Variants in MICOS10 observed in about 807,000 individuals in gnomAD.
The protein encoded by MICOS10 is MICOS complex subunit MIC10.
MICOS10 carries 5 observed loss-of-function variants against 13.4 expected under a neutral mutation model. The observed-to-expected ratio is 0.37, with a 90% CI of 0.20 to 0.78. The LOEUF (loss-of-function observed/expected upper bound fraction) is 0.78. Among genes scored for constraint, MICOS10 ranks in the 30% least tolerant of loss-of-function variants. MICOS10 has a pLI of 0.47. For synonymous variants in MICOS10, 35 were observed against 33.6 expected, an observed-to-expected ratio of 1.04 and a Z score of -0.15; for missense variants, 101 against 94.6, an observed-to-expected ratio of 1.07 and a Z score of -0.28.
chr1:19,601,430 T>A (rs1293710038), intron 1 of MICOS10: 1 of 168,798 alleles, frequency 5.9e-6, no homozygotes, highest in East Asian at 1.5e-4. Flanking sequence ...ATATATATAT[T>A]AGCTGGGTGT....
rs1054801525 is a variant in MICOS10 at position 19,627,862 on chromosome 1, C to G, written c.*1461C>G. 6.6e-6 allele frequency: 1 copy of G among 152,248 alleles called. No individual in the cohort carries two copies. The highest frequency in any genetic ancestry group is 1.5e-5 in the Non-Finnish European group (1 of 68,094). The allele number at this position is 152,248 out of a possible 1,614,324, so 9.4% of individuals were successfully genotyped here. A position where few individuals can be genotyped will look rare whatever the true frequency, so the allele number is the denominator to read the frequency against. Reference sequence around the variant, plus strand: ...GAGTACATTCAGGGTAGCAAATACCCTCCCTCAGCCTCCCCACTCCCTTTT... The same window carrying G: ...GAGTACATTCAGGGTAGCAAATACCGTCCCTCAGCCTCCCCACTCCCTTTT... On this transcript the variant is annotated 3_prime_UTR_variant, in exon 4 of 4. Transcript: ENST00000322753.
chr1:19,616,884 C>T (rs1377076792), intron 1 of MICOS10, among the ~76,000 whole-genome samples: 1 of 152,096 alleles, frequency 6.6e-6, no homozygotes, highest in African/African-American at 2.4e-5. Flanking sequence ...CAAAGCACAC[C>T]CCCCATAAAT....
At chr1:19,615,074 A>G (rs751110735) in intron 1 of MICOS10, among the ~76,000 whole-genome samples, 1 of 152,194 alleles carries the variant, frequency 6.6e-6, no homozygotes, top group Non-Finnish European at 1.5e-5. Flanking sequence ...CTCTGGACCC[A>G]CAGAACACTG....
intron 2 of MICOS10, among the ~76,000 whole-genome samples, chr1:19,623,201 G>T (rs1034121097): frequency 6.6e-6 from 1 of 152,152 alleles, no homozygotes; most frequent in Admixed American, 6.5e-5. Context: ...GATTACAGTT[G>T]TGAGCCACCG....
chr1:19,621,437 T>G (rs1257810811), intron 1 of MICOS10, among the ~76,000 whole-genome samples: 1 of 152,180 alleles, frequency 6.6e-6, no homozygotes, highest in Non-Finnish European at 1.5e-5. Flanking sequence ...AGTAATTGTT[T>G]AGGGGTTGAA....
chr1:19,605,118 A>G (rs893599317), intron 1 of MICOS10, among the ~76,000 whole-genome samples: 6 of 152,194 alleles, frequency 3.9e-5, no homozygotes, highest in Non-Finnish European at 8.8e-5. Context: ...AAGGGTAGGA[A>G]GGTGAACCCC....
chr1:19,615,985 C>G (rs2094882894), intron 1 of MICOS10, among the ~76,000 whole-genome samples: 1 of 151,784 alleles, frequency 6.6e-6, no homozygotes, highest in South Asian at 2.1e-4. Context: ...TTGGCGTGAT[C>G]TTCGTTTACT....
chr1:19,613,679 G>A lies in MICOS10; in HGVS notation c.65-8421G>A, dbSNP rs1435846030. Among the ~76,000 whole-genome samples, 4 of 152,188 alleles carry A rather than the reference G, an allele frequency of 2.6e-5. No individual in the cohort carries two copies. In the East Asian group the frequency reaches 5.8e-4, roughly 22 times the overall value. On this transcript the variant is annotated intron_variant, in intron 1 of 3. Transcript: ENST00000322753. The stretch of plus-strand genomic sequence containing the variant: ...AGTACCTGGCACACAGTGGGTACAC[G>A]GTTTGTATAACTAAGGAAATGCCCA...
At chr1:19,606,551 G>A (rs760219203) in intron 1 of MICOS10, among the ~76,000 whole-genome samples, 1 of 152,126 alleles carries the variant, frequency 6.6e-6, no homozygotes, top group Non-Finnish European at 1.5e-5. Flanking sequence ...TTTGAGACCA[G>A]CCTGGCCAAT....
At chr1:19,621,682 T>C (rs1024104359) in intron 1 of MICOS10, among the ~76,000 whole-genome samples, 1 of 152,208 alleles carries the variant, frequency 6.6e-6, no homozygotes. Context: ...CCTCAAAAAG[T>C]AGCCATCACT....
rs1321916714 is a variant in MICOS10, at chr1:19,625,470, CA to C, written c.223-914del. 10 of 1,289,316 alleles carry C rather than the reference CA, an allele frequency of 7.8e-6. No individual in the cohort carries two copies. In the African/African-American group the frequency reaches 1.5e-4, roughly 20 times the overall value. The allele number at this position is 1,289,316 out of a possible 1,614,324, so 79.9% of individuals were successfully genotyped here. On this transcript the variant is annotated intron_variant, in intron 3 of 3. Coordinates refer to ENST00000322753, the MANE Select transcript of MICOS10 (RefSeq NM_001032363.4). Reference sequence around the variant, plus strand: ...GGGAGTAGGGGAGCCATCTCTGCACCAAAGCAAGAGTGAGGTCATCACAGGG... The same window carrying C: ...GGGAGTAGGGGAGCCATCTCTGCACCAAGCAAGAGTGAGGTCATCACAGGG...
Position 19,618,286 on chromosome 1 carries a change from A to T in MICOS10, c.65-3814A>T, listed in dbSNP as rs1012915492. The stretch of plus-strand genomic sequence containing the variant: ...ATGCCTGGCTGATTTTTATTTATTT[A>T]TTATTATTATTATTATTTTGTTTTG... On this transcript the variant is annotated intron_variant, in intron 1 of 3. Transcript: ENST00000322753. Among the ~76,000 whole-genome samples, 6 of 150,778 alleles carry T rather than the reference A, an allele frequency of 4.0e-5. No homozygotes were observed. The East Asian group carries it at 7.8e-4, about 19-fold the overall frequency.
chr1:19,620,178 C>T (rs1416904957), intron 1 of MICOS10, among the ~76,000 whole-genome samples: 3 of 152,212 alleles, frequency 2.0e-5, no homozygotes, highest in African/African-American at 4.8e-5. Context: ...TTCTCTTTTC[C>T]ATGTTGGTTT....
At chr1:19,608,583 A>G in intron 1 of MICOS10, 5 of 802,638 alleles carry the variant, frequency 6.2e-6, no homozygotes, top group Non-Finnish European at 1.1e-5. Context: ...GATTCCTCAA[A>G]ATATTTTCTG....
At position 19,608,308 on chromosome 1, in the gene MICOS10, C is replaced by T. The variant is rs746126099; in HGVS notation, c.64+11199C>T. On this transcript the variant is annotated intron_variant, in intron 1 of 3. Transcript: ENST00000322753. Reference sequence around the variant, plus strand: ...CTGGTGGGATGAAGGTGAAGGCAGACCGAGATGAATCCTCGCCATATGCTG... The same window carrying T: ...CTGGTGGGATGAAGGTGAAGGCAGATCGAGATGAATCCTCGCCATATGCTG... 3.8e-6 allele frequency: 5 copies of T among 1,328,534 alleles called. No individual in the cohort carries two copies. In the Admixed American group the frequency reaches 5.0e-5, roughly 13 times the overall value. 82.3% of individuals were successfully genotyped at this position (1,328,534 alleles called of 1,614,324 possible). A position where few individuals can be genotyped will look rare whatever the true frequency, so the allele number is the denominator to read the frequency against.
chr1:19,614,574 C>T (rs2094876778), intron 1 of MICOS10: 1 of 152,138 alleles, frequency 6.6e-6, no homozygotes, highest in Non-Finnish European at 1.5e-5. Context: ...GCCTCGGCCT[C>T]CCAAAGTGCT....
chr1:19,621,497 G>A (rs963163160), intron 1 of MICOS10, among the ~76,000 whole-genome samples: 2 of 152,140 alleles, frequency 1.3e-5, no homozygotes, highest in African/African-American at 4.8e-5. Context: ...TAGCATTGGA[G>A]TCTGGCAGAC....
chr1:19,626,590 G>T lies in MICOS10; in HGVS notation c.*189G>T, dbSNP rs956372016. The stretch of plus-strand genomic sequence containing the variant: ...GTTTTGTATTTTCTCTCTGGAAGTT[G>T]TAAGGAGGTGGTCTTAAATAAATTA... On this transcript the variant is annotated 3_prime_UTR_variant, in exon 4 of 4. Coordinates refer to ENST00000322753, the MANE Select transcript of MICOS10 (RefSeq NM_001032363.4). The T allele has an allele frequency of 9.4e-4, 599 of 635,302 alleles. 5 individuals are homozygous for T. The highest frequency in any genetic ancestry group is 1.9e-4 in the Non-Finnish European group (71 of 366,116). The allele number at this position is 635,302 out of a possible 1,614,324, so 39.4% of individuals were successfully genotyped here. A position where few individuals can be genotyped will look rare whatever the true frequency, so the allele number is the denominator to read the frequency against.
chr1:19,610,952 C>G (rs966346949), intron 1 of MICOS10, among the ~76,000 whole-genome samples: 4 of 147,018 alleles, frequency 2.7e-5, no homozygotes, highest in Non-Finnish European at 4.5e-5. Flanking sequence ...ATTTATTTCT[C>G]TTTTTTTTTT....
Sources: allele counts gnomAD v4.1 joint callset (sites outside exome capture counted in the v4.1 genomes callset), GRCh38; gene constraint gnomAD v4.1.1; transcripts MANE v1.5; gene names NCBI Gene and HGNC (gene_info 2026-07-23, HGNC 2026-07-21).